Variants in SCAPER observed in about 807,000 individuals in gnomAD.
The protein encoded by SCAPER is S-phase cyclin A associated protein in the ER.
Under a neutral mutation model 182.2 loss-of-function variants are expected in SCAPER, and 98 were observed. The observed-to-expected ratio is 0.54, with a 90% confidence interval of 0.46 to 0.64. SCAPER has a LOEUF of 0.64. Ranked by LOEUF, SCAPER falls within the 30% of genes least tolerant of loss-of-function variation. SCAPER has a pLI of 0.00. For synonymous variants in SCAPER, 605 were observed against 564.6 expected, an observed-to-expected ratio of 1.07 and a Z score of -1.01; for missense variants, 1,432 against 1,690.0, an observed-to-expected ratio of 0.85 and a Z score of 2.68.
intron 4 of SCAPER, among the ~76,000 whole-genome samples, chr15:76,847,972 G>C (rs1275186328): frequency 6.6e-6 from 1 of 152,100 alleles, no homozygotes; most frequent in African/African-American, 2.4e-5. Context: ...CCTGTATTTA[G>C]CAGGTTTTTG....
intron 25 of SCAPER, among the ~76,000 whole-genome samples, chr15:76,453,823 TTC>T (rs1369817796): frequency 6.6e-6 from 1 of 152,190 alleles, no homozygotes; most frequent in East Asian, 1.9e-4. Flanking sequence ...AAATAAATAC[TTC>T]TCTCTCACTG....
At chr15:76,529,034 C>T (rs1252409175) in intron 23 of SCAPER, among the ~76,000 whole-genome samples, 1 of 152,210 alleles carries the variant, frequency 6.6e-6, no homozygotes, top group Non-Finnish European at 1.5e-5. Flanking sequence ...GATTTATGTG[C>T]TCTTATAGAA....
intron 22 of SCAPER, among the ~76,000 whole-genome samples, chr15:76,588,867 T>A (rs2145634391): frequency 6.6e-6 from 1 of 152,242 alleles, no homozygotes; most frequent in East Asian, 1.9e-4. Context: ...TTCATTTGGG[T>A]AGGCTATGTC....
At chr15:76,843,973 T>C (rs1953014744) in intron 4 of SCAPER, among the ~76,000 whole-genome samples, 1 of 152,190 alleles carries the variant, frequency 6.6e-6, no homozygotes, top group Non-Finnish European at 1.5e-5. Context: ...ATACTTCATT[T>C]AATCATTGAA....
At position 76,404,138 on chromosome 15, in the gene SCAPER, AATG is replaced by A. The variant is rs1345808463; in HGVS notation, c.3467+383_3467+385del. 7.2e-5 allele frequency among the ~76,000 whole-genome samples: 11 copies of A among 152,284 alleles called. No individual in the cohort carries two copies. In the East Asian group the frequency reaches 2.1e-3, roughly 29 times the overall value. ...TAACTGAAAGCACATGAATGACGGT[AATG>A]AGCACTTTCAGGCTGTACTGTGTAG... On this transcript the variant is annotated intron_variant, in intron 27 of 31. Transcript: ENST00000563290.
At chr15:76,750,473 T>C (rs565185169) in intron 15 of SCAPER, among the ~76,000 whole-genome samples, 1 of 151,794 alleles carries the variant, frequency 6.6e-6, no homozygotes, top group African/African-American at 2.4e-5. Flanking sequence ...AGACAGAAAC[T>C]ACAAGGAAAA....
chr15:76,800,186 C>G, intron 7 of SCAPER, 62 bp downstream of exon 7: 1 of 866,456 alleles, frequency 1.2e-6, no homozygotes, highest in Non-Finnish European at 1.8e-6. Context: ...AATCATAATA[C>G]TATAATAACT....
In SCAPER at chr15:76,621,806, A is replaced by G; in HGVS notation, c.2669T>C (p.Met890Thr). 5 of 1,607,490 alleles carry G rather than the reference A, an allele frequency of 3.1e-6. No individual in the cohort carries two copies. The highest frequency in any genetic ancestry group is 4.2e-6 in the Non-Finnish European group (5 of 1,176,858). ...ATCAGAGCCAGAATTTTTGGTTTCC[A>G]TTAAACTCTCATATTCCTTAGCCCT... is the stretch of plus-strand genomic sequence containing the variant. ...NFRAKEYESLMETKNSGSDSP... is the reference protein window; with the variant it reads ...NFRAKEYESLTETKNSGSDSP... The change falls in exon 22 of 32, where the codon ATG becomes ACG. Residue 890 changes from methionine to threonine, a missense_variant. Physicochemically the swap from Met to Thr is moderately conservative, Grantham distance 81 (BLOSUM62 -1). Transcript: ENST00000563290.
intron 4 of SCAPER, among the ~76,000 whole-genome samples, chr15:76,842,363 G>A (rs1430642727): frequency 6.6e-6 from 1 of 152,084 alleles, no homozygotes; most frequent in East Asian, 1.9e-4. Flanking sequence ...CTGAATCATG[G>A]GGGCAGTTTC....
At chr15:76,397,738 A>C (rs1451615417) in intron 27 of SCAPER, among the ~76,000 whole-genome samples, 4 of 152,050 alleles carry the variant, frequency 2.6e-5, no homozygotes, top group Non-Finnish European at 5.9e-5. Context: ...TGGCCTCCCA[A>C]AGTGCTGGGA....
At chr15:76,452,107 GCTTT>G (rs1467051058) in intron 25 of SCAPER, among the ~76,000 whole-genome samples, 3 of 151,704 alleles carry the variant, frequency 2.0e-5, no homozygotes, top group African/African-American at 7.3e-5. Flanking sequence ...TCATCTCTCT[GCTTT>G]CTGAGTATAT....
chr15:76,765,191 C>T (rs1217205285), intron 13 of SCAPER, 119 bp from the exon 14 acceptor site: 15 of 1,035,168 alleles, frequency 1.4e-5, no homozygotes, highest in Non-Finnish European at 1.8e-5. Context: ...CCCAACATTT[C>T]GGGAAAGCTT....
chr15:76,704,379 A>G (rs1190149039), intron 18 of SCAPER, among the ~76,000 whole-genome samples: 1 of 152,152 alleles, frequency 6.6e-6, no homozygotes, highest in Non-Finnish European at 1.5e-5. Context: ...TTGGTGTTTT[A>G]GACATGAAGT....
intron 26 of SCAPER, among the ~76,000 whole-genome samples, chr15:76,415,544 G>C (rs2045588269): frequency 6.6e-6 from 1 of 152,052 alleles, no homozygotes; most frequent in African/African-American, 2.4e-5. Flanking sequence ...GAATCAGCTA[G>C]ATCTATATGA....
chr15:76,614,558 C>T (rs967893736), intron 22 of SCAPER, among the ~76,000 whole-genome samples: 9 of 151,828 alleles, frequency 5.9e-5, no homozygotes, highest in South Asian at 2.1e-4. Flanking sequence ...TGAAAAATAA[C>T]GCATTTTTAC....
chr15:76,612,335 T>A (rs2051075754), intron 22 of SCAPER, among the ~76,000 whole-genome samples: 1 of 152,172 alleles, frequency 6.6e-6, no homozygotes. Context: ...CCTCCCAGGC[T>A]CAGGTGATTC....
chr15:76,528,201 T>C lies in SCAPER; in HGVS notation c.2839-23227A>G, dbSNP rs138217893. On this transcript the variant is annotated intron_variant, in intron 23 of 31. Transcript: ENST00000563290. Reference sequence around the variant, plus strand: ...CAGGCAGTGGGCCAGATTTGGTCCATGGGCTATAGTTTGCCAACCTCTGCC... The same window carrying C: ...CAGGCAGTGGGCCAGATTTGGTCCACGGGCTATAGTTTGCCAACCTCTGCC... Among the ~76,000 whole-genome samples, 10 of 152,360 alleles carry C rather than the reference T, an allele frequency of 6.6e-5. No individual in the cohort carries two copies. The East Asian group carries it at 1.9e-3, about 29-fold the overall frequency.
chr15:76,696,796 T>C (rs987872420), intron 20 of SCAPER, among the ~76,000 whole-genome samples: 1 of 152,202 alleles, frequency 6.6e-6, no homozygotes, highest in African/African-American at 2.4e-5. Flanking sequence ...TACCCATTTT[T>C]GACTTTTAAA....
At chr15:76,420,235 CTTTTTTT>C (rs71143323) in intron 26 of SCAPER, among the ~76,000 whole-genome samples, 7 of 116,918 alleles carry the variant, frequency 6.0e-5, no homozygotes, top group Non-Finnish European at 1.0e-4. Context: ...ATGTTTTTTC[CTTTTTTT>C]TTTTTTTTTT....
Sources: gnomAD v4.1 joint callset for allele counts (sites outside exome capture counted in the v4.1 genomes callset) on GRCh38, gnomAD v4.1.1 for gene constraint, MANE v1.5 for transcripts, NCBI Gene and HGNC (gene_info 2026-07-23, HGNC 2026-07-21) for gene names.